FARS2: variants seen among roughly 807,000 people sequenced by gnomAD.
The protein encoded by FARS2 is phenylalanine--tRNA ligase, mitochondrial.
FARS2 carries 40 observed loss-of-function variants against 46.4 expected under a neutral mutation model. The ratio of observed to expected loss-of-function variants is 0.86; its 90% confidence interval spans 0.67 to 1.12. FARS2 has a LOEUF of 1.12. FARS2 is among the 50% of genes most tolerant of loss of function. FARS2 has a pLI of 0.00. For synonymous variants in FARS2, 234 were observed against 214.9 expected (o/e 1.09, Z -0.78); for missense variants, 513 against 567.9 (o/e 0.90, Z 0.98).
At chr6:5,259,095 C>A (rs1424249381), upstream of FARS2, among the ~76,000 whole-genome samples, 1 of 152,216 alleles carries the variant, frequency 6.6e-6, no homozygotes, top group African/African-American at 2.4e-5. Flanking sequence ...AGTTAGTCTT[C>A]GAGGGCTCCA....
chr6:5,570,032 G>A (rs533439071), intron 5 of FARS2, among the ~76,000 whole-genome samples: 2 of 152,264 alleles, frequency 1.3e-5, no homozygotes, highest in African/African-American at 4.8e-5. Context: ...CTTGCTTAAG[G>A]ACAGGTTATG....
chr6:5,672,330 T>G (rs1778516844), intron 6 of FARS2, among the ~76,000 whole-genome samples: 1 of 152,194 alleles, frequency 6.6e-6, no homozygotes, highest in African/African-American at 2.4e-5. Context: ...TCCTGGCCGT[T>G]CAGTCCCACC....
intron 6 of FARS2, among the ~76,000 whole-genome samples, chr6:5,725,270 G>T (rs1419414246): frequency 6.6e-6 from 1 of 152,240 alleles, no homozygotes; most frequent in Non-Finnish European, 1.5e-5. Context: ...ATGGAGGAAG[G>T]TGAAAGGTGT....
chr6:5,629,689 AG>A (rs1776204292), intron 6 of FARS2, among the ~76,000 whole-genome samples: 1 of 152,158 alleles, frequency 6.6e-6, no homozygotes, highest in Non-Finnish European at 1.5e-5. Flanking sequence ...TTGTTGGCCA[AG>A]GGTAAGGTTG....
At chr6:5,353,135 C>T (rs534201098) in intron 1 of FARS2, among the ~76,000 whole-genome samples, 67 of 152,274 alleles carry the variant, frequency 4.4e-4, no homozygotes, top group African/African-American at 1.5e-3. Flanking sequence ...CTTTAGCTCC[C>T]GCATGAGTGA....
chr6:5,692,254 A>G (rs1757789422), intron 6 of FARS2, among the ~76,000 whole-genome samples: 1 of 152,230 alleles, frequency 6.6e-6, no homozygotes, highest in Non-Finnish European at 1.5e-5. Flanking sequence ...TTGGAAATGC[A>G]GAAATCACCC....
intron 6 of FARS2, among the ~76,000 whole-genome samples, chr6:5,719,672 C>T (rs913472536): frequency 2.6e-5 from 4 of 152,090 alleles, no homozygotes; most frequent in Admixed American, 6.5e-5. Flanking sequence ...TCCAGGGATG[C>T]GGCCAGCCAG....
intron 4 of FARS2, among the ~76,000 whole-genome samples, chr6:5,447,012 G>A (rs904573110): frequency 2.0e-5 from 3 of 152,170 alleles, no homozygotes; most frequent in Non-Finnish European, 2.9e-5. Context: ...GGTCAGTTCC[G>A]GAAGGGCTAC....
intron 1 of FARS2, among the ~76,000 whole-genome samples, chr6:5,265,929 A>G (rs760251973): frequency 4.6e-5 from 7 of 152,084 alleles, no homozygotes; most frequent in Non-Finnish European, 1.0e-4. Flanking sequence ...AATTTTGTTT[A>G]ATTTTTTTTT....
At chr6:5,442,433 C>T (rs942831702) in intron 4 of FARS2, among the ~76,000 whole-genome samples, 1 of 148,780 alleles carries the variant, frequency 6.7e-6, no homozygotes, top group Admixed American at 6.7e-5. Context: ...ACACACATTT[C>T]TTTTTTTTGA....
intron 2 of FARS2, among the ~76,000 whole-genome samples, chr6:5,401,119 T>G (rs1761229617): frequency 6.6e-6 from 1 of 152,074 alleles, no homozygotes; most frequent in Non-Finnish European, 1.5e-5. Flanking sequence ...AGAGGTGAAT[T>G]AAGCCTGTTC....
At chr6:5,733,821 C>A (rs1760788549) in intron 6 of FARS2, among the ~76,000 whole-genome samples, 1 of 152,170 alleles carries the variant, frequency 6.6e-6, no homozygotes, top group Non-Finnish European at 1.5e-5. Flanking sequence ...GAGTTTTGGT[C>A]CCAGCCTAGT....
intron 6 of FARS2, among the ~76,000 whole-genome samples, chr6:5,719,034 G>A (rs1435266514): frequency 2.6e-5 from 4 of 152,168 alleles, no homozygotes; most frequent in Non-Finnish European, 4.4e-5. Context: ...CAGGATCTGA[G>A]ATTTGTCTCT....
At chr6:5,252,617 C>T in the FARS2 span, among the ~76,000 whole-genome samples, 1 of 152,168 alleles carries the variant, frequency 6.6e-6, no homozygotes, top group Non-Finnish European at 1.5e-5. Flanking sequence ...TGTCTTTTCA[C>T]TAGAGATGCT....
intron 6 of FARS2, among the ~76,000 whole-genome samples, chr6:5,729,892 G>A (rs1294005734): frequency 6.6e-6 from 1 of 152,146 alleles, no homozygotes; most frequent in Non-Finnish European, 1.5e-5. Flanking sequence ...TCTTTATCAT[G>A]GGGGCTGACC....
intron 5 of FARS2, among the ~76,000 whole-genome samples, chr6:5,611,690 C>T (rs773472273): frequency 1.4e-4 from 22 of 152,138 alleles, no homozygotes; most frequent in Non-Finnish European, 3.2e-4. Flanking sequence ...GGATTTTAAA[C>T]TGTATTTACC....
At chr6:5,605,981 C>G (rs953675278) in intron 5 of FARS2, among the ~76,000 whole-genome samples, 1 of 152,084 alleles carries the variant, frequency 6.6e-6, no homozygotes, top group Non-Finnish European at 1.5e-5. Context: ...GACGCTGTTA[C>G]TGAAGAATTC....
chr6:5,552,593 A>C (rs1029688617), intron 5 of FARS2, among the ~76,000 whole-genome samples: 1 of 152,088 alleles, frequency 6.6e-6, no homozygotes, highest in Admixed American at 6.5e-5. Flanking sequence ...CTGAGTCCTC[A>C]CCTGTGTGAC....
At chr6:5,626,274 C>A (rs1561761862) in intron 6 of FARS2, among the ~76,000 whole-genome samples, 1 of 152,046 alleles carries the variant, frequency 6.6e-6, no homozygotes, top group Non-Finnish European at 1.5e-5. Context: ...GATGAGGGTA[C>A]GTAATAATGT....
Sources: allele counts gnomAD v4.1 joint callset (sites outside exome capture counted in the v4.1 genomes callset), GRCh38; gene constraint gnomAD v4.1.1; transcripts MANE v1.5; gene names NCBI Gene and HGNC (gene_info 2026-07-23, HGNC 2026-07-21).